The following GALNT13 variants were observed in gnomAD, a reference collection of about 807,000 sequenced individuals.
GALNT13 encodes the protein UDP-GalNAc:polypeptide N-acetylgalactosaminyltransferase 13.
GALNT13 carries 28 observed loss-of-function variants against 64.2 expected under a neutral mutation model. The ratio of observed to expected loss-of-function variants is 0.44; its 90% confidence interval spans 0.32 to 0.60. The LOEUF (loss-of-function observed/expected upper bound fraction) is 0.60, where lower values mean the gene tolerates loss of function less well. Among genes scored for constraint, GALNT13 ranks in the 20% least tolerant of loss-of-function variants. GALNT13 has a pLI of 0.05. For missense variants in GALNT13, 577 were observed against 669.8 expected (o/e 0.86, Z 1.53); for synonymous variants, 214 against 224.6 (o/e 0.95, Z 0.42).
At chr2:153,265,135 A>T in the GALNT13 span, among the ~76,000 whole-genome samples, 1 of 152,094 alleles carries the variant, frequency 6.6e-6, no homozygotes, top group Admixed American at 6.5e-5. Flanking sequence ...GTGCTGTTTG[A>T]GGTTGGGGAA....
At chr2:154,164,643 C>T (rs532906867) in intron 4 of GALNT13, among the ~76,000 whole-genome samples, 1 of 152,124 alleles carries the variant, frequency 6.6e-6, no homozygotes, top group Admixed American at 6.5e-5. Context: ...CAATTATCTA[C>T]TCAAAAAGTT....
At chr2:153,745,119 C>T in the GALNT13 span, among the ~76,000 whole-genome samples, 5 of 152,044 alleles carry the variant, frequency 3.3e-5, no homozygotes, top group Non-Finnish European at 7.4e-5. Context: ...GATTTTTGTC[C>T]AGACAGTGCT....
At chr2:153,509,241 T>C in the GALNT13 span, among the ~76,000 whole-genome samples, 3 of 152,230 alleles carry the variant, frequency 2.0e-5, no homozygotes. Flanking sequence ...CAGGGCTGCC[T>C]CAGTCAGCAG....
At chr2:153,439,203 G>T in the GALNT13 span, among the ~76,000 whole-genome samples, 1 of 152,072 alleles carries the variant, frequency 6.6e-6, no homozygotes, top group Non-Finnish European at 1.5e-5. Flanking sequence ...AAGAATACCT[G>T]GTGGTGTGAG....
the GALNT13 span, among the ~76,000 whole-genome samples, chr2:153,688,217 G>A: frequency 6.6e-6 from 1 of 152,028 alleles, no homozygotes; most frequent in South Asian, 2.1e-4. Context: ...GCAAAGTTGA[G>A]TAGTTGTAAG....
In GALNT13 at chr2:154,449,927, C is replaced by T. The variant is rs111841205; in HGVS notation, c.1531-484C>T. Among the ~76,000 whole-genome samples, 217 of 152,106 alleles carry T rather than the reference C, an allele frequency of 1.4e-3. 1 individual carries two copies. The highest frequency in any genetic ancestry group is 4.9e-3 in the African/African-American group (203 of 41,534). On this transcript the variant is annotated intron_variant, in intron 12 of 12. Coordinates refer to ENST00000392825, the MANE Select transcript of GALNT13 (RefSeq NM_052917.4). ...ATCACTTTCTACAATGAGTGTCTTA[C>T]AGTCACAGATACTATAGCTTGTTTA...
chr2:153,649,562 G>A, the GALNT13 span, among the ~76,000 whole-genome samples: 1 of 148,512 alleles, frequency 6.7e-6, no homozygotes, highest in South Asian at 2.2e-4. Context: ...ATGTTAGGGT[G>A]TCAATTTTGG....
chr2:153,722,796 AT>A, the GALNT13 span, among the ~76,000 whole-genome samples: 1 of 152,046 alleles, frequency 6.6e-6, no homozygotes, highest in African/African-American at 2.4e-5. Flanking sequence ...AGGAGCTGAA[AT>A]TGTGGCAATA....
chr2:153,475,055 TA>T, the GALNT13 span, among the ~76,000 whole-genome samples: 3 of 152,296 alleles, frequency 2.0e-5, no homozygotes, highest in East Asian at 5.8e-4. Flanking sequence ...AAGCAGTTGT[TA>T]GAATGAGGGA....
chr2:153,414,284 A>C, the GALNT13 span, among the ~76,000 whole-genome samples: 3 of 151,960 alleles, frequency 2.0e-5, no homozygotes, highest in African/African-American at 7.3e-5. Flanking sequence ...CTGAGGCAGG[A>C]GAATTGCTTG....
intron 3 of GALNT13, among the ~76,000 whole-genome samples, chr2:154,070,874 C>T (rs574653214): frequency 1.6e-4 from 24 of 151,192 alleles, no homozygotes; most frequent in Admixed American, 6.6e-4. Context: ...GAGATTGCAC[C>T]GCTGAGCTCC....
the GALNT13 span, among the ~76,000 whole-genome samples, chr2:153,671,162 C>A: frequency 6.6e-6 from 1 of 152,128 alleles, no homozygotes; most frequent in South Asian, 2.1e-4. Flanking sequence ...CCCAACCTAG[C>A]AAGGCAGGCC....
intron 4 of GALNT13, among the ~76,000 whole-genome samples, chr2:154,176,106 T>C (rs903297619): frequency 6.6e-6 from 1 of 152,022 alleles, no homozygotes; most frequent in East Asian, 1.9e-4. Flanking sequence ...AGATCAAATA[T>C]ACACACAGAC....
chr2:153,799,543 G>GCA, the GALNT13 span, among the ~76,000 whole-genome samples: 18 of 152,226 alleles, frequency 1.2e-4, no homozygotes, highest in African/African-American at 3.9e-4. Flanking sequence ...ATCATCCAGA[G>GCA]CACAAGAATT....
the GALNT13 span, among the ~76,000 whole-genome samples, chr2:153,722,534 G>A: frequency 7.9e-4 from 118 of 149,378 alleles, no homozygotes; most frequent in African/African-American, 2.8e-3. Flanking sequence ...TTTTTTGAAA[G>A]GATCAACAAA....
chr2:153,136,542 C>G, the GALNT13 span, among the ~76,000 whole-genome samples: 1 of 151,934 alleles, frequency 6.6e-6, no homozygotes, highest in Non-Finnish European at 1.5e-5. Context: ...CACTCACCAG[C>G]AAGGCAAAGT....
intron 7 of GALNT13, among the ~76,000 whole-genome samples, chr2:154,255,824 G>C (rs891558186): frequency 6.6e-6 from 1 of 152,016 alleles, no homozygotes; most frequent in Non-Finnish European, 1.5e-5. Flanking sequence ...GGCCAAGGTG[G>C]GCAGGTCATT....
At chr2:154,257,978 C>T (rs371012975) in intron 7 of GALNT13, among the ~76,000 whole-genome samples, 1 of 152,172 alleles carries the variant, frequency 6.6e-6, no homozygotes, top group East Asian at 1.9e-4. Flanking sequence ...CACCCCAAGC[C>T]AATTAAATCT....
At chr2:153,223,941 G>T in the GALNT13 span, among the ~76,000 whole-genome samples, 1 of 152,136 alleles carries the variant, frequency 6.6e-6, no homozygotes, top group Non-Finnish European at 1.5e-5. Context: ...CTGCACTGTA[G>T]CCTGGGTGAC....
Sources: gnomAD v4.1 joint callset for allele counts (sites outside exome capture counted in the v4.1 genomes callset) on GRCh38, gnomAD v4.1.1 for gene constraint, MANE v1.5 for transcripts, NCBI Gene and HGNC (gene_info 2026-07-23, HGNC 2026-07-21) for gene names.